The following PDE11A variants were observed in gnomAD, a reference collection of about 807,000 sequenced individuals.
PDE11A encodes the protein dual 3',5'-cyclic-AMP and -GMP phosphodiesterase 11A.
A neutral mutation model predicts 100.5 loss-of-function variants in PDE11A; 100 were observed. That is an observed-to-expected ratio of 1.00 (90% CI 0.85 to 1.18). The LOEUF (loss-of-function observed/expected upper bound fraction) is 1.18. Among genes scored for constraint, PDE11A ranks in the 50% most tolerant of loss-of-function variants. PDE11A has a pLI of 0.00. For synonymous variants in PDE11A, 381 were observed against 420.8 expected, an observed-to-expected ratio of 0.91 and a Z score of 1.16; for missense variants, 1,141 against 1,152.6, an observed-to-expected ratio of 0.99 and a Z score of 0.15.
chr2:177,699,154 T>A (rs1434513886), intron 14 of PDE11A, among the ~76,000 whole-genome samples: 8 of 152,156 alleles, frequency 5.3e-5, no homozygotes, highest in Non-Finnish European at 1.2e-4. Flanking sequence ...CAGAAAGCAC[T>A]TACACAAAAC....
chr2:177,835,042 TG>T (rs2083371896), intron 6 of PDE11A, among the ~76,000 whole-genome samples: 1 of 152,002 alleles, frequency 6.6e-6, no homozygotes. Context: ...ATGACAACAG[TG>T]GAGACAGGGT....
intron 6 of PDE11A, among the ~76,000 whole-genome samples, chr2:177,832,811 C>T (rs187129765): frequency 6.2e-4 from 95 of 152,178 alleles, no homozygotes; most frequent in East Asian, 2.7e-3. Flanking sequence ...ATGTGTGCTC[C>T]CCTTCCAAGC....
intron 10 of PDE11A, among the ~76,000 whole-genome samples, chr2:177,735,827 G>A (rs549651368): frequency 1.3e-4 from 20 of 152,292 alleles, no homozygotes; most frequent in African/African-American, 4.8e-4. Flanking sequence ...ACTTCTGTTC[G>A]CTGTCCATGC....
rs1348778178 is a variant in PDE11A at position 177,939,941 on chromosome 2, T to C, written c.1072-34754A>G. Among the ~76,000 whole-genome samples the C allele has an allele frequency of 5.3e-5, 8 of 152,258 alleles. No homozygotes were observed. In the East Asian group the frequency reaches 1.5e-3, roughly 29 times the overall value. ...GAACAAATAAACTTATAAAATTTTA[T>C]GAAGCAATTAAATTATCGTTAATTT... is the stretch of plus-strand genomic sequence containing the variant. On this transcript the variant is annotated intron_variant, in intron 2 of 19. Coordinates refer to ENST00000286063, the MANE Select transcript of PDE11A (RefSeq NM_016953.4).
At position 177,771,064 on chromosome 2, in the gene PDE11A, A is replaced by C. The variant is rs531061999; in HGVS notation, c.1738-1691T>G. ...GGCTGGTCTGAAACTCCTGGGTTCA[A>C]GCGATCCTCCCGCCTCAGCCTCCCA... On this transcript the variant is annotated intron_variant, in intron 9 of 19. Coordinates refer to ENST00000286063, the MANE Select transcript of PDE11A (RefSeq NM_016953.4). Among the ~76,000 whole-genome samples, 5 of 152,280 alleles carry C rather than the reference A, an allele frequency of 3.3e-5. No individual in the cohort carries two copies. The East Asian group carries it at 9.7e-4, about 30-fold the overall frequency.
chr2:177,801,907 C>A (rs755706984), intron 9 of PDE11A, among the ~76,000 whole-genome samples: 26 of 151,930 alleles, frequency 1.7e-4, no homozygotes, highest in Non-Finnish European at 2.9e-4. Context: ...TCAAAAGACA[C>A]CATGAAAAAA....
At position 177,697,446 on chromosome 2, in the gene PDE11A, G is replaced by C. The variant is rs374657859; in HGVS notation, c.2245-14C>G. 1.6e-6 allele frequency: 2 copies of C among 1,268,888 alleles called. No individual in the cohort carries two copies. Among genetic ancestry groups the C allele is most frequent in the African/African-American group, 2.9e-5 (2 of 68,214 alleles). The allele number at this position is 1,268,888 out of a possible 1,614,324, so 78.6% of individuals were successfully genotyped here. ...GATATTGTGACCCTGTAATGAGAAAGTAAAAAGTCACAAAAGACATTAAAT... is the reference window on the plus strand; with the variant it reads ...GATATTGTGACCCTGTAATGAGAAACTAAAAAGTCACAAAAGACATTAAAT... On this transcript the variant is annotated splice_polypyrimidine_tract_variant and intron_variant, in intron 14 of 19. Coordinates refer to ENST00000286063, the MANE Select transcript of PDE11A (RefSeq NM_016953.4).
Position 178,014,338 on chromosome 2 carries a change from A to T in PDE11A, c.1035T>A (p.Ile345=), listed in dbSNP as rs150772089. 7 of 1,613,146 alleles carry T rather than the reference A, an allele frequency of 4.3e-6. No homozygotes were observed. Among genetic ancestry groups the T allele is most frequent in the Non-Finnish European group, 5.9e-6 (7 of 1,179,272 alleles). The change falls in exon 2 of 20, where the codon ATT becomes ATA. Residue 345 remains isoleucine (I), a synonymous_variant. Transcript: ENST00000286063. ...IIGVAQAINK[I]PEGAPFTEDD... ...CTTCAGTAAATGGAGCTCCTTCAGG[A>T]ATCTTATTTATCGCTTGGGCCACAC...
intron 2 of PDE11A, among the ~76,000 whole-genome samples, chr2:178,095,871 C>T (rs1280571210): frequency 1.3e-5 from 2 of 152,286 alleles, no homozygotes; most frequent in Middle Eastern, 3.4e-3. Flanking sequence ...GTACCTTGGC[C>T]CCTTTTAGCC....
At chr2:178,027,747 A>C (rs1438644056) in intron 1 of PDE11A, among the ~76,000 whole-genome samples, 1 of 152,206 alleles carries the variant, frequency 6.6e-6, no homozygotes, top group Non-Finnish European at 1.5e-5. Context: ...AAAGAACAGA[A>C]GACTGTCAAG....
At chr2:177,640,045 G>C (rs1450646089) in intron 19 of PDE11A, among the ~76,000 whole-genome samples, 1 of 152,182 alleles carries the variant, frequency 6.6e-6, no homozygotes, top group Non-Finnish European at 1.5e-5. Flanking sequence ...AGATGGTTTT[G>C]GCCCCCTATT....
chr2:177,890,409 C>T (rs377545027), intron 4 of PDE11A, among the ~76,000 whole-genome samples: 13 of 152,318 alleles, frequency 8.5e-5, no homozygotes, highest in African/African-American at 2.6e-4. Context: ...AGCAAGTATA[C>T]ATGACTTATT....
chr2:177,920,149 C>G (rs887815413), intron 2 of PDE11A, among the ~76,000 whole-genome samples: 42 of 152,086 alleles, frequency 2.8e-4, no homozygotes, highest in African/African-American at 1.0e-3. Flanking sequence ...TTACATAGTT[C>G]TTCATTGTGA....
intron 13 of PDE11A, among the ~76,000 whole-genome samples, chr2:177,711,283 C>A (rs1386954934): frequency 6.6e-6 from 1 of 152,210 alleles, no homozygotes; most frequent in Non-Finnish European, 1.5e-5. Context: ...GGAGCAAAAA[C>A]TATATTCCTT....
intron 10 of PDE11A, among the ~76,000 whole-genome samples, chr2:177,746,364 G>C (rs969339411): frequency 1.3e-5 from 2 of 151,990 alleles, no homozygotes; most frequent in Middle Eastern, 3.4e-3. Context: ...GGAGGAAACG[G>C]AACAAACACC....
At chr2:178,083,318 T>C (rs1372046022) in intron 2 of PDE11A, among the ~76,000 whole-genome samples, 1 of 152,092 alleles carries the variant, frequency 6.6e-6, no homozygotes, top group Non-Finnish European at 1.5e-5. Flanking sequence ...AGGCTGGTCT[T>C]GGACTCCTGA....
chr2:177,760,783 A>T (rs530922472), intron 10 of PDE11A, among the ~76,000 whole-genome samples: 50 of 152,224 alleles, frequency 3.3e-4, no homozygotes, highest in Non-Finnish European at 5.1e-4. Flanking sequence ...CAGAGACTGC[A>T]GAAAACCCTT....
chr2:177,706,792 A>C (rs1023574098), intron 13 of PDE11A, among the ~76,000 whole-genome samples: 1 of 152,170 alleles, frequency 6.6e-6, no homozygotes, highest in African/African-American at 2.4e-5. Flanking sequence ...GGATGCAAAA[A>C]AACTCTCTGA....
chr2:177,846,900 T>C (rs927784006), intron 5 of PDE11A, among the ~76,000 whole-genome samples: 3 of 152,206 alleles, frequency 2.0e-5, no homozygotes, highest in Non-Finnish European at 4.4e-5. Context: ...TACATTATAT[T>C]TTGTGGCAGC....
Sources: allele counts gnomAD v4.1 joint callset (sites outside exome capture counted in the v4.1 genomes callset), GRCh38; gene constraint gnomAD v4.1.1; transcripts MANE v1.5; gene names NCBI Gene and HGNC (gene_info 2026-07-23, HGNC 2026-07-21).